Variants in FBN1 observed in about 807,000 individuals in gnomAD.
FBN1 encodes the protein fibrillin 1, also known as fibrillin-1.
Under a neutral mutation model 365.1 loss-of-function variants are expected in FBN1, and 29 were observed. The observed-to-expected ratio is 0.08, with a 90% confidence interval of 0.06 to 0.11. The LOEUF is 0.11. Ranked by LOEUF, FBN1 falls within the 10% of genes least tolerant of loss-of-function variation. The pLI is 1.00. For missense variants in FBN1, 2,476 were observed against 3,703.2 expected (o/e 0.67, Z 8.60); for synonymous variants, 1,210 against 1,270.5 (o/e 0.95, Z 1.01).
At chr15:48,631,968 A>G (rs1442919590) in intron 2 of FBN1, among the ~76,000 whole-genome samples, 2 of 152,196 alleles carry the variant, frequency 1.3e-5, no homozygotes, top group East Asian at 3.8e-4. Flanking sequence ...GCTAATCAGG[A>G]AAGAGGCAAG....
intron 6 of FBN1, among the ~76,000 whole-genome samples, chr15:48,584,755 G>T (rs1312006168): frequency 1.3e-5 from 2 of 152,120 alleles, no homozygotes; most frequent in South Asian, 2.1e-4. Context: ...AATAAATAAA[G>T]AATTTTCGAT....
At chr15:48,437,963 T>A in intron 50 of FBN1, 46 bp from the exon 51 acceptor site, 1 of 1,595,030 alleles carries the variant, frequency 6.3e-7, no homozygotes, top group Non-Finnish European at 8.6e-7. Context: ...TCCTACTGAG[T>A]CCGTATTGCA....
chr15:48,521,991 C>T (rs1284142096), intron 9 of FBN1, among the ~76,000 whole-genome samples: 1 of 152,228 alleles, frequency 6.6e-6, no homozygotes, highest in East Asian at 1.9e-4. Flanking sequence ...CTCCCCATTG[C>T]TGGCATTACT....
intron 22 of FBN1, among the ~76,000 whole-genome samples, chr15:48,494,569 A>T (rs1465035812): frequency 6.6e-6 from 1 of 152,234 alleles, no homozygotes; most frequent in Non-Finnish European, 1.5e-5. Context: ...TTCACCTGAA[A>T]ATAGGAATCA....
intron 8 of FBN1, among the ~76,000 whole-genome samples, chr15:48,531,870 TAGAAGGAAA>T (rs1356815144): frequency 6.6e-6 from 1 of 151,940 alleles, no homozygotes; most frequent in Non-Finnish European, 1.5e-5. Flanking sequence ...GCATTGATAC[TAGAAGGAAA>T]AGAAGGAAAA....
chr15:48,510,525 A>G (rs1032789682), intron 13 of FBN1, among the ~76,000 whole-genome samples: 1 of 152,224 alleles, frequency 6.6e-6, no homozygotes, highest in Non-Finnish European at 1.5e-5. Flanking sequence ...CTTTAAACAT[A>G]TAATTTTAAA....
chr15:48,617,983 T>A (rs528494514), intron 2 of FBN1, among the ~76,000 whole-genome samples: 48 of 152,326 alleles, frequency 3.2e-4, no homozygotes, highest in Non-Finnish European at 6.6e-4. Context: ...TTTCTCAACA[T>A]ATTTGTTAGT....
chr15:48,449,036 A>G, intron 45 of FBN1, 143 bp from the exon 46 acceptor site: 1 of 715,762 alleles, frequency 1.4e-6, no homozygotes, highest in Non-Finnish European at 2.4e-6. Context: ...ATCAAAATGG[A>G]TTAAAACTTA....
chr15:48,537,214 C>T (rs544839728), intron 7 of FBN1, among the ~76,000 whole-genome samples: 2 of 152,224 alleles, frequency 1.3e-5, no homozygotes, highest in South Asian at 2.1e-4. Flanking sequence ...TTAAGCACAA[C>T]CCATGAGAGA....
chr15:48,525,375 GC>G (rs1180162639), intron 9 of FBN1, among the ~76,000 whole-genome samples: 1 of 152,188 alleles, frequency 6.6e-6, no homozygotes, highest in Non-Finnish European at 1.5e-5. Context: ...AGAGGTGTGA[GC>G]TACTGCGCCC....
chr15:48,584,694 C>T (rs563099605), intron 6 of FBN1, among the ~76,000 whole-genome samples: 1 of 152,170 alleles, frequency 6.6e-6, no homozygotes, highest in East Asian at 1.9e-4. Context: ...TAAATAAGGT[C>T]TGAAAAGAAA....
At chr15:48,510,239 C>T in intron 13 of FBN1, 70 bp from the exon 14 acceptor site, 2 of 1,495,774 alleles carry the variant, frequency 1.3e-6, no homozygotes, top group South Asian at 2.3e-5. Context: ...TTTCCCCCTC[C>T]CTCCATTTGC....
At chr15:48,593,170 A>AT (rs1400650582) in intron 6 of FBN1, among the ~76,000 whole-genome samples, 3 of 152,320 alleles carry the variant, frequency 2.0e-5, no homozygotes, top group Non-Finnish European at 4.4e-5. Flanking sequence ...TTCATGGATG[A>AT]TTAAGATTGA....
At position 48,437,023 on chromosome 15, in the gene FBN1, G is replaced by A. The variant is rs2043078019; in HGVS notation, c.6434C>T (p.Thr2145Ile). The A allele has an allele frequency of 6.2e-7, 1 of 1,613,462 alleles. No individual in the cohort carries two copies. ...ACACTCGCAGCGATAGGAACCATCT[G>A]TATTGATGCACTGTCCATGTTTACA... Reference protein sequence around the residue: ...DVCKHGQCINTDGSYRCECPF... With the variant: ...DVCKHGQCINIDGSYRCECPF... Residue 2145 changes from threonine to isoleucine, a missense_variant, in exon 53 of 66, where the codon ACA becomes ATA. Transcript: ENST00000316623.
In FBN1 at chr15:48,489,984, G is replaced by A. The variant is rs769307676; in HGVS notation, c.2949C>T (p.Ser983=). Residue 983 remains serine, a synonymous_variant, in exon 25 of 66, where the codon TCC becomes TCT. Transcript: ENST00000316623. ...CCTCAGTACCCCAGGCTGCCCCGACGGAGCAGCAGCAGGCGTCCATGCGGT... is the reference window on the plus strand; with the variant it reads ...CCTCAGTACCCCAGGCTGCCCCGACAGAGCAGCAGCAGGCGTCCATGCGGT... ...GRHRMDACCC[S]VGAAWGTEEC... is the part of the protein sequence containing the mutation. 53 of 1,613,984 alleles carry A rather than the reference G, an allele frequency of 3.3e-5. No homozygotes were observed. The highest frequency in any genetic ancestry group is 5.3e-5 in the African/African-American group (4 of 74,892).
chr15:48,495,371 A>G (rs1363152653), intron 21 of FBN1, 98 bp downstream of exon 21: 5 of 1,591,708 alleles, frequency 3.1e-6, no homozygotes, highest in Non-Finnish European at 4.3e-6. Context: ...AGTTTTTAAT[A>G]TTGTTCATCC....
chr15:48,421,896 T>C (rs1021476994), intron 61 of FBN1, 56 bp downstream of exon 61: 33 of 1,399,866 alleles, frequency 2.4e-5, no homozygotes, highest in Non-Finnish European at 3.2e-5. Flanking sequence ...AAATAGAAAA[T>C]AATCCCTTAA....
chr15:48,429,511 A>G (rs2043009322), intron 56 of FBN1, among the ~76,000 whole-genome samples: 1 of 152,200 alleles, frequency 6.6e-6, no homozygotes, highest in Non-Finnish European at 1.5e-5. Context: ...GGTCCCTCAG[A>G]TGGAGCTCTC....
chr15:48,608,773 C>T (rs1439051962), intron 4 of FBN1, among the ~76,000 whole-genome samples: 1 of 152,160 alleles, frequency 6.6e-6, no homozygotes, highest in African/African-American at 2.4e-5. Flanking sequence ...AATCTGGCCC[C>T]AGGACCTTAC....
Sources: allele counts gnomAD v4.1 joint callset (sites outside exome capture counted in the v4.1 genomes callset), GRCh38; gene constraint gnomAD v4.1.1; transcripts MANE v1.5; gene names NCBI Gene and HGNC (gene_info 2026-07-23, HGNC 2026-07-21).